Variants in PTGIS observed in about 807,000 individuals in gnomAD.
PTGIS encodes prostacyclin synthase.
In PTGIS, 45 loss-of-function variants were observed where a neutral mutation model predicts 50.3. The observed-to-expected ratio is 0.90, with a 90% CI of 0.70 to 1.15. PTGIS has a LOEUF of 1.15. Among genes scored for constraint, PTGIS ranks in the 50% most tolerant of loss-of-function variants. The probability of loss-of-function intolerance (pLI) is 0.00; values close to 1 mark genes in which losing one functional copy is unlikely to be tolerated. For synonymous variants in PTGIS, 260 were observed against 267.7 expected (o/e 0.97, Z 0.28); for missense variants, 668 against 661.3 (o/e 1.01, Z -0.11).
rs532980493 is a variant in PTGIS at position 49,507,056 on chromosome 20, A to C, written c.*864T>G. 1 of 152,414 alleles carries C rather than the reference A, an allele frequency of 6.6e-6. No homozygotes were observed. The highest frequency in any genetic ancestry group is 1.9e-4 in the East Asian group (1 of 5,190). The allele number at this position is 152,414 out of a possible 1,614,324, so 9.4% of individuals were successfully genotyped here. A position where few individuals can be genotyped will look rare whatever the true frequency, so the allele number is the denominator to read the frequency against. ...TGAAGTCCAAACAAAACACGTCTGCAGACTGGATCGTGATCACAGTTGGGG... is the reference window on the plus strand; with the variant it reads ...TGAAGTCCAAACAAAACACGTCTGCCGACTGGATCGTGATCACAGTTGGGG... On this transcript the variant is annotated 3_prime_UTR_variant, in exon 10 of 10. Coordinates refer to ENST00000244043, the MANE Select transcript of PTGIS (RefSeq NM_000961.4).
intron 6 of PTGIS, among the ~76,000 whole-genome samples, chr20:49,516,759 GA>G (rs933809896): frequency 1.3e-5 from 2 of 152,194 alleles, no homozygotes; most frequent in Non-Finnish European, 2.9e-5. Context: ...GCCTTTTACT[GA>G]AAAGGAAAAC....
At chr20:49,564,707 C>T (rs1982852203) in intron 1 of PTGIS, among the ~76,000 whole-genome samples, 1 of 152,106 alleles carries the variant, frequency 6.6e-6, no homozygotes, top group Admixed American at 6.5e-5. Context: ...CGGAGTTGCT[C>T]ACTCCCAGAA....
chr20:49,559,527 C>T (rs1363501586), intron 1 of PTGIS, among the ~76,000 whole-genome samples: 13 of 152,168 alleles, frequency 8.5e-5, no homozygotes, highest in Admixed American at 2.6e-4. Flanking sequence ...TTCGTAATAG[C>T]TGAAAAGTGA....
chr20:49,537,054 T>A (rs1441397644), intron 5 of PTGIS, among the ~76,000 whole-genome samples: 1 of 152,154 alleles, frequency 6.6e-6, no homozygotes, highest in South Asian at 2.1e-4. Flanking sequence ...GGAATTCAAA[T>A]CCAGGCCTCT....
chr20:49,560,326 A>G (rs1366000261), intron 1 of PTGIS, among the ~76,000 whole-genome samples: 3 of 152,138 alleles, frequency 2.0e-5, no homozygotes, highest in Non-Finnish European at 4.4e-5. Flanking sequence ...CAGCCTCCCG[A>G]GTAGCTGGCA....
chr20:49,555,295 T>C (rs1445984742), intron 1 of PTGIS, among the ~76,000 whole-genome samples: 1 of 152,130 alleles, frequency 6.6e-6, no homozygotes, highest in Non-Finnish European at 1.5e-5. Context: ...ATAAAGGTTT[T>C]TGCCTTTTTT....
chr20:49,547,029 C>T (rs566011701), intron 3 of PTGIS, among the ~76,000 whole-genome samples: 5 of 152,276 alleles, frequency 3.3e-5, no homozygotes, highest in African/African-American at 4.8e-5. Flanking sequence ...GTCAGGAGTT[C>T]GAGACCTGCC....
chr20:49,550,639 T>C (rs1982482085), intron 1 of PTGIS, among the ~76,000 whole-genome samples: 1 of 152,242 alleles, frequency 6.6e-6, no homozygotes, highest in South Asian at 2.1e-4. Flanking sequence ...CAGCTTGGTA[T>C]CTGTCTTCAT....
At chr20:49,511,705 G>A (rs1449019208) in intron 8 of PTGIS, among the ~76,000 whole-genome samples, 1 of 152,164 alleles carries the variant, frequency 6.6e-6, no homozygotes, top group Non-Finnish European at 1.5e-5. Context: ...CTGCACAGTG[G>A]TAAGGCAAGG....
chr20:49,556,030 C>CA (rs1982616428), intron 1 of PTGIS, among the ~76,000 whole-genome samples: 1 of 152,152 alleles, frequency 6.6e-6, no homozygotes, highest in Non-Finnish European at 1.5e-5. Flanking sequence ...TTGTTTAAAA[C>CA]ATTTGTTGAT....
intron 5 of PTGIS, among the ~76,000 whole-genome samples, chr20:49,524,897 G>A (rs1169983229): frequency 6.6e-6 from 1 of 152,220 alleles, no homozygotes; most frequent in Admixed American, 6.5e-5. Context: ...AGTTCAAGAT[G>A]AGATTTGGGT....
At chr20:49,538,662 C>CATTT (rs373597100) in intron 5 of PTGIS, among the ~76,000 whole-genome samples, 2,493 of 148,416 alleles carry the variant, frequency 0.017, 22 homozygotes, top group South Asian at 0.026. Context: ...CTTCTCAGTG[C>CATTT]ATTTATTTAT....
At chr20:49,551,010 C>G (rs1454925728) in intron 1 of PTGIS, among the ~76,000 whole-genome samples, 1 of 152,108 alleles carries the variant, frequency 6.6e-6, no homozygotes, top group East Asian at 1.9e-4. Flanking sequence ...TGAAGACCGG[C>G]CCGGCCATCA....
Position 49,533,386 on chromosome 20 carries a change from C to A in PTGIS, c.673+6184G>T, listed in dbSNP as rs1045829952. 6.6e-5 allele frequency among the ~76,000 whole-genome samples: 10 copies of A among 152,270 alleles called. No homozygotes were observed. In the East Asian group the frequency reaches 1.9e-3, roughly 29 times the overall value. On this transcript the variant is annotated intron_variant, in intron 5 of 9. Transcript: ENST00000244043. ...AAAATAAATGTTCCAGACAGAAGCACTATGCTTAGCTAGGGGGTCTGTTTA... is the reference window on the plus strand; with the variant it reads ...AAAATAAATGTTCCAGACAGAAGCAATATGCTTAGCTAGGGGGTCTGTTTA...
intron 1 of PTGIS, among the ~76,000 whole-genome samples, chr20:49,552,460 C>T (rs1982533659): frequency 6.6e-6 from 1 of 152,106 alleles, no homozygotes; most frequent in African/African-American, 2.4e-5. Flanking sequence ...TGGCTTGTGG[C>T]TTGGCATCCA....
At chr20:49,546,096 G>C (rs1198334495) in intron 3 of PTGIS, among the ~76,000 whole-genome samples, 5 of 152,168 alleles carry the variant, frequency 3.3e-5, no homozygotes, top group African/African-American at 1.2e-4. Context: ...CAATACATGG[G>C]ATCTGGCCTT....
intron 5 of PTGIS, among the ~76,000 whole-genome samples, chr20:49,529,998 T>C (rs1028485117): frequency 6.6e-6 from 1 of 151,728 alleles, no homozygotes; most frequent in Non-Finnish European, 1.5e-5. Context: ...CTACTAAAAA[T>C]ACAAAATTAG....
At chr20:49,565,251 G>C (rs1181317527) in intron 1 of PTGIS, among the ~76,000 whole-genome samples, 1 of 151,872 alleles carries the variant, frequency 6.6e-6, no homozygotes, top group Non-Finnish European at 1.5e-5. Context: ...CCTTCTTTAA[G>C]AATTTTTTGC....
At chr20:49,566,861 T>C (rs939201516) in intron 1 of PTGIS, among the ~76,000 whole-genome samples, 1 of 152,130 alleles carries the variant, frequency 6.6e-6, no homozygotes, top group African/African-American at 2.4e-5. Context: ...CCCGTGAAGT[T>C]TGAAGTTTAG....
Sources: allele counts gnomAD v4.1 joint callset (sites outside exome capture counted in the v4.1 genomes callset), GRCh38; gene constraint gnomAD v4.1.1; transcripts MANE v1.5; gene names NCBI Gene and HGNC (gene_info 2026-07-23, HGNC 2026-07-21).